Variants in EFCAB11 observed in about 807,000 individuals in gnomAD.
The protein encoded by EFCAB11 is EF-hand calcium binding domain 11, also known as EF-hand calcium-binding domain-containing protein 11.
A neutral mutation model predicts 23.0 loss-of-function variants in EFCAB11; 14 were observed. The observed-to-expected ratio is 0.61, with a 90% CI of 0.40 to 0.95. EFCAB11 has a LOEUF of 0.95. Among genes scored for constraint, EFCAB11 ranks in the 40% least tolerant of loss-of-function variants. The pLI, the probability that EFCAB11 is intolerant of heterozygous loss-of-function variation, is 0.00. For missense variants in EFCAB11, 198 were observed against 195.8 expected (o/e 1.01, Z -0.07); for synonymous variants, 65 against 66.6 (o/e 0.98, Z 0.11).
intron 5 of EFCAB11, among the ~76,000 whole-genome samples, chr14:89,805,987 A>G (rs890359790): frequency 2.0e-5 from 3 of 152,210 alleles, no homozygotes; most frequent in Admixed American, 1.3e-4. Context: ...CAGCTCTGCA[A>G]TCTAAAGAGT....
chr14:89,797,340 A>G lies in EFCAB11; in HGVS notation c.411-16T>C. 1.9e-6 allele frequency: 3 copies of G among 1,610,388 alleles called. No individual in the cohort carries two copies. In the East Asian group the frequency reaches 6.7e-5, roughly 36 times the overall value. On this transcript the variant is annotated splice_polypyrimidine_tract_variant and intron_variant, in intron 5 of 5. Transcript: ENST00000316738. ...ATCTACTTCCCTGGAAAATGAAACA[A>G]AAAGTCATTTACACATTATTCTCGT...
At chr14:89,842,609 T>C (rs907767752) in intron 5 of EFCAB11, among the ~76,000 whole-genome samples, 2 of 149,154 alleles carry the variant, frequency 1.3e-5, no homozygotes, top group Non-Finnish European at 3.0e-5. Flanking sequence ...TATGATATGA[T>C]ATGATATGAT....
intron 5 of EFCAB11, among the ~76,000 whole-genome samples, chr14:89,854,716 C>T (rs183326728): frequency 1.3e-5 from 2 of 152,292 alleles, no homozygotes; most frequent in African/African-American, 4.8e-5. Flanking sequence ...CCTGCTCCTC[C>T]TCCCCTGTCC....
intron 5 of EFCAB11, among the ~76,000 whole-genome samples, chr14:89,905,872 C>T (rs1596445552): frequency 6.6e-6 from 1 of 151,830 alleles, no homozygotes; most frequent in Admixed American, 6.6e-5. Context: ...AGAGCAAAGA[C>T]GGAAAAGGAA....
intron 5 of EFCAB11, among the ~76,000 whole-genome samples, chr14:89,914,630 C>T (rs1889779380): frequency 6.6e-6 from 1 of 151,958 alleles, no homozygotes; most frequent in South Asian, 2.1e-4. Context: ...ACTAAAAATA[C>T]AAAAATTACC....
In EFCAB11 at chr14:89,860,328, C is replaced by T. The variant is rs557209785; in HGVS notation, c.411-63004G>A. On this transcript the variant is annotated intron_variant, in intron 5 of 5. Transcript: ENST00000316738. ...GCAGTGAGCCGAGATCGCACCATTG[C>T]ACTCCAGCCTGGGCGACAAGAGTGA... Among the ~76,000 whole-genome samples, 19 of 152,278 alleles carry T rather than the reference C, an allele frequency of 1.2e-4. No individual in the cohort carries two copies. In the East Asian group the frequency reaches 3.7e-3, roughly 29 times the overall value.
intron 5 of EFCAB11, chr14:89,848,515 A>G (rs1206908431): frequency 6.6e-6 from 1 of 152,230 alleles, no homozygotes; most frequent in Non-Finnish European, 1.5e-5. Context: ...CCAGCACGGC[A>G]CTGGATCCAG....
chr14:89,939,078 TCTC>T (rs1890697919), intron 3 of EFCAB11, among the ~76,000 whole-genome samples: 1 of 151,334 alleles, frequency 6.6e-6, no homozygotes, highest in African/African-American at 2.4e-5. Context: ...ATTATACACA[TCTC>T]CTGCTCATAA....
chr14:89,953,820 A>G (rs1312209450), intron 2 of EFCAB11, 86 bp downstream of exon 2: 3 of 1,121,904 alleles, frequency 2.7e-6, no homozygotes, highest in Non-Finnish European at 2.6e-6. Context: ...ATTTATAAAC[A>G]TCCTAAGCTA....
chr14:89,892,374 G>A (rs1266237967), intron 5 of EFCAB11: 34 of 1,608,384 alleles, frequency 2.1e-5, no homozygotes, highest in Non-Finnish European at 2.8e-5. Context: ...GGGGGTGTCC[G>A]GCTCATCCAC....
Position 89,879,980 on chromosome 14 carries a change from C to T in EFCAB11, c.410+51561G>A, listed in dbSNP as rs142013944. ...AAAATGCCAAATATATGTGTGGGTA[C>T]GCATGTCAGCATTGGTATATCCTCT... is the stretch of plus-strand genomic sequence containing the variant. On this transcript the variant is annotated intron_variant, in intron 5 of 5. Coordinates refer to ENST00000316738, the MANE Select transcript of EFCAB11 (RefSeq NM_145231.4). Among the ~76,000 whole-genome samples, 353 of 152,262 alleles carry T rather than the reference C, an allele frequency of 2.3e-3. 3 individuals are homozygous for T. The highest frequency in any genetic ancestry group is 6.5e-3 in the African/African-American group (270 of 41,528).
chr14:89,869,367 A>G (rs769015707), intron 5 of EFCAB11, among the ~76,000 whole-genome samples: 14 of 152,202 alleles, frequency 9.2e-5, no homozygotes, highest in Non-Finnish European at 1.6e-4. Context: ...AGGGATAGTC[A>G]AATCTCAGCA....
At chr14:89,951,534 G>A (rs917854857) in intron 2 of EFCAB11, among the ~76,000 whole-genome samples, 3 of 152,004 alleles carry the variant, frequency 2.0e-5, no homozygotes, top group Admixed American at 6.6e-5. Flanking sequence ...GAACTGCTTC[G>A]AAGTAGAGAC....
At chr14:89,822,078 G>C (rs369152515) in intron 5 of EFCAB11, among the ~76,000 whole-genome samples, 1 of 151,888 alleles carries the variant, frequency 6.6e-6, no homozygotes, top group East Asian at 1.9e-4. Context: ...AATAACTCGA[G>C]GTTTTTTTTA....
At chr14:89,917,747 C>T (rs1412411999) in intron 5 of EFCAB11, among the ~76,000 whole-genome samples, 1 of 152,142 alleles carries the variant, frequency 6.6e-6, no homozygotes, top group Non-Finnish European at 1.5e-5. Flanking sequence ...TCTGTGACTT[C>T]TTTGACCAAA....
chr14:89,945,625 C>T (rs1389962155), intron 3 of EFCAB11, among the ~76,000 whole-genome samples: 1 of 152,172 alleles, frequency 6.6e-6, no homozygotes, highest in East Asian at 1.9e-4. Context: ...AATGTATTGA[C>T]ATGTTTAATG....
At chr14:89,804,426 G>A (rs1348817711) in intron 5 of EFCAB11, among the ~76,000 whole-genome samples, 2 of 152,184 alleles carry the variant, frequency 1.3e-5, no homozygotes, top group Non-Finnish European at 2.9e-5. Context: ...GCTTTACGTA[G>A]ACAACTCTGA....
intron 5 of EFCAB11, among the ~76,000 whole-genome samples, chr14:89,872,123 C>T (rs1298813981): frequency 6.6e-6 from 1 of 152,210 alleles, no homozygotes; most frequent in Non-Finnish European, 1.5e-5. Flanking sequence ...CTGTAACAGC[C>T]TAATTTACAT....
intron 5 of EFCAB11, among the ~76,000 whole-genome samples, chr14:89,856,963 T>A (rs1427865636): frequency 6.6e-6 from 1 of 152,222 alleles, no homozygotes; most frequent in Non-Finnish European, 1.5e-5. Context: ...CAGAAATGCC[T>A]CCTAAGTAAT....
Sources: gnomAD v4.1 joint callset for allele counts (sites outside exome capture counted in the v4.1 genomes callset) on GRCh38, gnomAD v4.1.1 for gene constraint, MANE v1.5 for transcripts, NCBI Gene and HGNC (gene_info 2026-07-23, HGNC 2026-07-21) for gene names.